The following EVI5 variants were observed in gnomAD, a reference collection of about 807,000 sequenced individuals.
EVI5 encodes ecotropic viral integration site 5, also known as ecotropic viral integration site 5 protein homolog.
EVI5 carries 73 observed loss-of-function variants against 112.0 expected under a neutral mutation model. The observed-to-expected ratio is 0.65, with a 90% CI of 0.54 to 0.79. The LOEUF (loss-of-function observed/expected upper bound fraction) is 0.79. Among genes scored for constraint, EVI5 ranks in the 30% least tolerant of loss-of-function variants. EVI5 has a pLI of 0.00. For missense variants in EVI5, 900 were observed against 968.8 expected, an observed-to-expected ratio of 0.93 and a Z score of 0.94; for synonymous variants, 305 against 319.9, an observed-to-expected ratio of 0.95 and a Z score of 0.50.
intron 19 of EVI5, among the ~76,000 whole-genome samples, chr1:92,563,297 T>C (rs1668920255): frequency 6.6e-6 from 1 of 152,188 alleles, no homozygotes; most frequent in East Asian, 1.9e-4. Context: ...ACCACAAATC[T>C]ATTCTATAGG....
At chr1:92,545,528 T>C (rs567344747) in intron 19 of EVI5, among the ~76,000 whole-genome samples, 1 of 152,284 alleles carries the variant, frequency 6.6e-6, no homozygotes, top group South Asian at 2.1e-4. Flanking sequence ...AGAAGCATGA[T>C]GTATTGGGTA....
At position 92,632,636 on chromosome 1, in the gene EVI5, A is replaced by G. The variant is rs186418985; in HGVS notation, c.1527+3566T>C. ...TTTCAAAAAACCAGCTCCTGGATTC[A>G]TTGATTTTTTGAAGGGCTTTTTATG... On this transcript the variant is annotated intron_variant, in intron 14 of 19. Transcript: ENST00000684568. Among the ~76,000 whole-genome samples the G allele has an allele frequency of 9.9e-5, 15 of 152,104 alleles. No homozygotes were observed. In the East Asian group the frequency reaches 2.5e-3, roughly 25 times the overall value.
intron 18 of EVI5, among the ~76,000 whole-genome samples, chr1:92,603,076 G>A (rs1035070932): frequency 2.6e-5 from 4 of 152,100 alleles, no homozygotes; most frequent in African/African-American, 4.8e-5. Context: ...ATATAAATGC[G>A]AAATAAGCAC....
chr1:92,607,336 A>G, intron 17 of EVI5: 1 of 354,642 alleles, frequency 2.8e-6, no homozygotes, highest in South Asian at 7.4e-5. Flanking sequence ...ATACTAGTAA[A>G]TGCCAATCCA....
chr1:92,740,495 T>C (rs1378803549), intron 1 of EVI5, among the ~76,000 whole-genome samples: 1 of 152,134 alleles, frequency 6.6e-6, no homozygotes, highest in African/African-American at 2.4e-5. Context: ...TCTTACACTC[T>C]TTGATTCTCA....
At chr1:92,691,733 T>C (rs1453888867) in intron 9 of EVI5, among the ~76,000 whole-genome samples, 7 of 152,210 alleles carry the variant, frequency 4.6e-5, no homozygotes, top group Non-Finnish European at 1.0e-4. Flanking sequence ...ACATCACGTA[T>C]TCTGAATTAG....
chr1:92,553,618 G>C (rs1667293831), intron 19 of EVI5, among the ~76,000 whole-genome samples: 1 of 151,750 alleles, frequency 6.6e-6, no homozygotes, highest in Non-Finnish European at 1.5e-5. Flanking sequence ...GTATTTTTTT[G>C]GTAGAGGGTT....
intron 2 of EVI5, among the ~76,000 whole-genome samples, chr1:92,712,952 G>A (rs564092753): frequency 6.6e-6 from 1 of 150,746 alleles, no homozygotes; most frequent in South Asian, 2.1e-4. Flanking sequence ...ATATATATAA[G>A]ATATATATAT....
chr1:92,581,343 C>A (rs933407421), intron 18 of EVI5, among the ~76,000 whole-genome samples: 1 of 152,240 alleles, frequency 6.6e-6, no homozygotes, highest in African/African-American at 2.4e-5. Flanking sequence ...GGATTCAGAT[C>A]ATTTCCCATA....
At chr1:92,747,900 A>G (rs888409808) in intron 1 of EVI5, among the ~76,000 whole-genome samples, 3 of 152,102 alleles carry the variant, frequency 2.0e-5, no homozygotes, top group Admixed American at 6.5e-5. Context: ...CTTGGTTTGC[A>G]GTTGCAGCAC....
intron 18 of EVI5, among the ~76,000 whole-genome samples, chr1:92,565,993 T>C (rs1012016577): frequency 8.4e-6 from 1 of 119,102 alleles, no homozygotes; most frequent in Middle Eastern, 6.3e-3. Context: ...ACAGAGTGGG[T>C]AGCACTCCTA....
chr1:92,789,373 A>G (rs1245917388), upstream of EVI5, among the ~76,000 whole-genome samples: 4 of 150,572 alleles, frequency 2.7e-5, no homozygotes, highest in Admixed American at 6.6e-5. Context: ...CAAGATCTTG[A>G]CTCACTGCAA....
In EVI5 at chr1:92,785,014, C is replaced by T. The variant is rs901786197; in HGVS notation, c.-260G>A. ...GCCGCCTCGCGACCCTCACCTACCC[C>T]TCCCGGCACCGCCGCTGTCGGAACT... On this transcript the variant is annotated 5_prime_UTR_variant, in exon 1 of 20. Transcript: ENST00000684568. 6.1e-6 allele frequency: 6 copies of T among 985,460 alleles called. No homozygotes were observed. Among genetic ancestry groups the T allele is most frequent in the Non-Finnish European group, 6.0e-6 (5 of 830,068 alleles). The allele number at this position is 985,460 out of a possible 1,614,324, so 61.0% of individuals were successfully genotyped here. A position where few individuals can be genotyped will look rare whatever the true frequency, so the allele number is the denominator to read the frequency against.
intron 19 of EVI5, among the ~76,000 whole-genome samples, chr1:92,550,345 C>T (rs183602773): frequency 0.014 from 1,061 of 78,228 alleles, 26 homozygotes; most frequent in African/African-American, 0.056. Context: ...TGGGGCCTGT[C>T]ATGGGGTGGG....
chr1:92,619,132 C>T (rs559283423), intron 16 of EVI5, among the ~76,000 whole-genome samples: 29 of 152,116 alleles, frequency 1.9e-4, no homozygotes, highest in African/African-American at 7.0e-4. Flanking sequence ...GTACTGATCC[C>T]GGATGTGTCT....
At chr1:92,637,023 AC>A (rs1473472220) in intron 13 of EVI5, among the ~76,000 whole-genome samples, 6 of 152,228 alleles carry the variant, frequency 3.9e-5, no homozygotes, top group Non-Finnish European at 8.8e-5. Context: ...TAGAAAAAAA[AC>A]AGGGTACCTA....
chr1:92,528,068 C>T (rs1662232299), intron 19 of EVI5, among the ~76,000 whole-genome samples: 1 of 152,200 alleles, frequency 6.6e-6, no homozygotes, highest in Non-Finnish European at 1.5e-5. Context: ...TGCAAGAGAA[C>T]TTTTACCTTA....
chr1:92,601,931 G>T (rs993539405), intron 18 of EVI5, among the ~76,000 whole-genome samples: 2 of 152,104 alleles, frequency 1.3e-5, no homozygotes, highest in South Asian at 4.1e-4. Context: ...TTGATGTTTA[G>T]AAAAGTACAG....
intron 18 of EVI5, among the ~76,000 whole-genome samples, chr1:92,601,920 C>T (rs897593869): frequency 3.9e-5 from 6 of 152,048 alleles, no homozygotes; most frequent in African/African-American, 1.4e-4. Context: ...TTAGGATTTT[C>T]TTGATGTTTA....
Sources: allele counts gnomAD v4.1 joint callset (sites outside exome capture counted in the v4.1 genomes callset), GRCh38; gene constraint gnomAD v4.1.1; transcripts MANE v1.5; gene names NCBI Gene and HGNC (gene_info 2026-07-23, HGNC 2026-07-21).